HTRA1: variants seen among roughly 807,000 people sequenced by gnomAD.
The protein encoded by HTRA1 is HtrA serine peptidase 1.
HTRA1 carries 26 observed loss-of-function variants against 49.7 expected under a neutral mutation model. The ratio of observed to expected loss-of-function variants is 0.52; its 90% CI spans 0.38 to 0.73. The LOEUF is 0.73. Ranked by LOEUF, HTRA1 falls within the 30% of genes least tolerant of loss-of-function variation. HTRA1 has a pLI of 0.00. For missense variants in HTRA1, 561 were observed against 667.2 expected (o/e 0.84, Z 1.75); for synonymous variants, 291 against 286.9 (o/e 1.01, Z -0.14).
chr10:122,485,610 C>T (rs1450179514), intron 1 of HTRA1, among the ~76,000 whole-genome samples: 1 of 152,176 alleles, frequency 6.6e-6, no homozygotes, highest in Non-Finnish European at 1.5e-5. Context: ...CCAGATCCTC[C>T]TTGATCTCCC....
chr10:122,496,062 C>G (rs77571505), intron 3 of HTRA1, among the ~76,000 whole-genome samples: 3,005 of 152,090 alleles, frequency 0.02, 76 homozygotes, highest in East Asian at 0.14. Context: ...GAAAAAAATT[C>G]CCAGCCCCAG....
intron 3 of HTRA1, among the ~76,000 whole-genome samples, chr10:122,505,672 T>C (rs1018458521): frequency 3.9e-5 from 6 of 152,214 alleles, no homozygotes; most frequent in South Asian, 2.1e-4. Flanking sequence ...TTTGTTGAGA[T>C]AGACGAATGT....
chr10:122,478,494 G>A (rs909129680), intron 1 of HTRA1, among the ~76,000 whole-genome samples: 1 of 148,756 alleles, frequency 6.7e-6, no homozygotes, highest in South Asian at 2.1e-4. Context: ...CTGGGTTCAC[G>A]CCATTCTCCT....
intron 8 of HTRA1, among the ~76,000 whole-genome samples, chr10:122,513,628 C>CAAA (rs10605017): frequency 8.9e-4 from 59 of 65,950 alleles, no homozygotes; most frequent in African/African-American, 2.5e-3. Context: ...GACCCCATCT[C>CAAA]AAAAAAAAAA....
At chr10:122,483,083 G>A (rs1428306978) in intron 1 of HTRA1, among the ~76,000 whole-genome samples, 1 of 152,124 alleles carries the variant, frequency 6.6e-6, no homozygotes, top group Non-Finnish European at 1.5e-5. Context: ...AACACTTAAT[G>A]CCTTGCTCTT....
chr10:122,514,287 C>G lies in HTRA1; in HGVS notation c.1371C>G (p.Thr457=). The G allele has an allele frequency of 6.2e-7, 1 of 1,614,042 alleles. No individual in the cohort carries two copies. The highest frequency in any genetic ancestry group is 8.5e-7 in the Non-Finnish European group (1 of 1,179,978). The change falls in exon 9 of 9, where the codon ACC becomes ACG. Residue 457 remains threonine, a synonymous_variant. Transcript: ENST00000368984. ...GCGACGTCATTAAAAGGGAAAGCAC[C>G]CTGAACATGGTGGTCCGCAGGGGTA... The part of the protein sequence containing the change: ...DVSDVIKRES[T]LNMVVRRGNE...
intron 1 of HTRA1, among the ~76,000 whole-genome samples, chr10:122,484,096 C>T (rs1043573544): frequency 3.9e-5 from 6 of 152,210 alleles, no homozygotes; most frequent in African/African-American, 1.4e-4. Flanking sequence ...CCAGTTCCAG[C>T]TTTCTGTTCA....
At chr10:122,477,471 C>A (rs577696623) in intron 1 of HTRA1, among the ~76,000 whole-genome samples, 1 of 152,336 alleles carries the variant, frequency 6.6e-6, no homozygotes, top group South Asian at 2.1e-4. Flanking sequence ...GGCTGGACCT[C>A]ACTCCTGCTG....
In HTRA1 at chr10:122,504,137, G is replaced by A. The variant is rs111389268; in HGVS notation, c.778-2554G>A. ...GCCCTCCCCGGGAGCATGGGGAGTA[G>A]CGCCTATGGGCAAGCAGCCTGCAGC... On this transcript the variant is annotated intron_variant, in intron 3 of 8. Transcript: ENST00000368984. Among the ~76,000 whole-genome samples, 257 of 152,288 alleles carry A rather than the reference G, an allele frequency of 1.7e-3. 3 individuals carry two copies. Among genetic ancestry groups the A allele is most frequent in the African/African-American group, 6.0e-3 (251 of 41,568 alleles).
intron 1 of HTRA1, among the ~76,000 whole-genome samples, chr10:122,465,471 C>A (rs1171403009): frequency 6.6e-6 from 1 of 152,162 alleles, no homozygotes; most frequent in Admixed American, 6.5e-5. Context: ...AGAGAAGTAC[C>A]TTGCTCAGGA....
intron 1 of HTRA1, among the ~76,000 whole-genome samples, chr10:122,469,790 C>T (rs1436607408): frequency 6.6e-6 from 1 of 152,232 alleles, no homozygotes; most frequent in Non-Finnish European, 1.5e-5. Context: ...GAGCCCATGT[C>T]TGTTTCACTC....
rs1199164011 is a variant in HTRA1, at chr10:122,487,872, C to T, written c.473-1030C>T. ...TAGTAAAAACAATGGTGTTATGGTC[C>T]GCGGCTGGCTGAAACGTTATGTGGT... On this transcript the variant is annotated intron_variant, in intron 1 of 8. Coordinates refer to ENST00000368984, the MANE Select transcript of HTRA1 (RefSeq NM_002775.5). This position sits in a 1 kb window ranked among gnomAD's most constrained non-coding sequence, Gnocchi z 4.8. Among the ~76,000 whole-genome samples the T allele has an allele frequency of 6.6e-6, 1 of 152,104 alleles. No individual in the cohort carries two copies. The highest frequency in any genetic ancestry group is 1.5e-5 in the Non-Finnish European group (1 of 68,028).
At position 122,487,589 on chromosome 10, in the gene HTRA1, C is replaced by A. The variant is rs1299452286; in HGVS notation, c.473-1313C>A. On this transcript the variant is annotated intron_variant, in intron 1 of 8. Coordinates refer to ENST00000368984, the MANE Select transcript of HTRA1 (RefSeq NM_002775.5). This position sits in a 1 kb window ranked among gnomAD's most constrained non-coding sequence, Gnocchi z 4.8. ...AACGCCCACCACGTGGGGCCACTCA[C>A]TGTAATATAAACGGTCATGCATCAC... Among the ~76,000 whole-genome samples the A allele has an allele frequency of 1.3e-5, 2 of 152,212 alleles. No homozygotes were observed. Among genetic ancestry groups the A allele is most frequent in the Non-Finnish European group, 2.9e-5 (2 of 68,046 alleles).
Position 122,514,393 on chromosome 10 carries a change from A to G in HTRA1, c.*34A>G, listed in dbSNP as rs774148815. The G allele has an allele frequency of 6.2e-7, 1 of 1,606,864 alleles. No individual in the cohort carries two copies. The highest frequency in any genetic ancestry group is 2.2e-5 in the East Asian group (1 of 44,844). ...ATGAGCTGGACTTCATGTTTCCCTC[A>G]AAGACTCTCCCGTGGATGACGGATG... On this transcript the variant is annotated 3_prime_UTR_variant, in exon 9 of 9. Transcript: ENST00000368984.
rs2097503164 is a variant in HTRA1 at position 122,506,618 on chromosome 10, T to G, written c.778-73T>G. 7.3e-7 allele frequency: 1 copy of G among 1,370,198 alleles called. No individual in the cohort carries two copies. Among genetic ancestry groups the G allele is most frequent in the South Asian group, 1.2e-5 (1 of 86,040 alleles). 84.9% of individuals were successfully genotyped at this position (1,370,198 alleles called of 1,614,324 possible). A position where few individuals can be genotyped will look rare whatever the true frequency, so the allele number is the denominator to read the frequency against. On this transcript the variant is annotated intron_variant, in intron 3 of 8. Transcript: ENST00000368984. This position sits in a 1 kb window ranked among gnomAD's most constrained non-coding sequence, Gnocchi z 5.2. Reference sequence around the variant, plus strand: ...GCCCGTCACTGTCCCTGCTTGGTTTTCCATGATATCTGTGCCTTTACCTAT... The same window carrying G: ...GCCCGTCACTGTCCCTGCTTGGTTTGCCATGATATCTGTGCCTTTACCTAT...
chr10:122,501,154 C>T (rs2133445323), intron 3 of HTRA1, among the ~76,000 whole-genome samples: 1 of 152,260 alleles, frequency 6.6e-6, no homozygotes, highest in South Asian at 2.1e-4. Context: ...AGCCATCCTG[C>T]CCATCCACAG....
intron 1 of HTRA1, among the ~76,000 whole-genome samples, chr10:122,477,143 A>G (rs1174845910): frequency 6.6e-6 from 1 of 151,098 alleles, no homozygotes; most frequent in East Asian, 1.9e-4. Flanking sequence ...AATTTTTTGT[A>G]TTTTTAGTAG....
rs1278177010 is a variant in HTRA1 at position 122,514,344 on chromosome 10, A to C, written c.1428A>C (p.Glu476Asp). Residue 476 changes from glutamate (E) to aspartate (D), a missense_variant, in exon 9 of 9, where the codon GAA (glutamate) becomes GAC (aspartate). Physicochemically the swap from Glu to Asp is conservative, Grantham distance 45 (BLOSUM62 2). Coordinates refer to ENST00000368984, the MANE Select transcript of HTRA1 (RefSeq NM_002775.5). ...ATATCATGATCACAGTGATTCCCGA[A>C]GAAATTGACCCATAGGCAGAGGCAT... ...NEDIMITVIP[E>D]EIDP 6.2e-7 allele frequency: 1 copy of C among 1,614,016 alleles called. No homozygotes were observed. The highest frequency in any genetic ancestry group is 8.5e-7 in the Non-Finnish European group (1 of 1,180,000).
intron 3 of HTRA1, among the ~76,000 whole-genome samples, chr10:122,505,084 A>C (rs1591039412): frequency 6.6e-6 from 1 of 152,354 alleles, no homozygotes; most frequent in East Asian, 1.9e-4. Context: ...GGGTATTCAA[A>C]GAGCTGTTCA....
Sources: gnomAD v4.1 joint callset for allele counts (sites outside exome capture counted in the v4.1 genomes callset) on GRCh38, gnomAD v4.1.1 for gene constraint, Gnocchi (gnomAD v3.1) non-coding constraint, MANE v1.5 for transcripts, NCBI Gene and HGNC (gene_info 2026-07-23, HGNC 2026-07-21) for gene names.